The following FSTL5 variants were observed in gnomAD, a reference collection of about 807,000 sequenced individuals.
FSTL5 encodes the protein follistatin-related protein 5.
In FSTL5, 62 loss-of-function variants were observed where a neutral mutation model predicts 89.1. That is an observed-to-expected ratio of 0.70 (90% CI 0.57 to 0.86). The LOEUF is 0.86. Among genes scored for constraint, FSTL5 ranks in the 40% least tolerant of loss-of-function variants. FSTL5 has a pLI of 0.00. For missense variants in FSTL5, 1,057 were observed against 1,001.6 expected, an observed-to-expected ratio of 1.06 and a Z score of -0.75; for synonymous variants, 383 against 346.2, an observed-to-expected ratio of 1.11 and a Z score of -1.18.
At chr4:161,866,239 T>C (rs2126895408) in intron 4 of FSTL5, among the ~76,000 whole-genome samples, 1 of 152,290 alleles carries the variant, frequency 6.6e-6, no homozygotes, top group Middle Eastern at 3.4e-3. Context: ...ACCAGAAATA[T>C]TAATTTATTT....
In FSTL5 at chr4:161,405,454, T is replaced by C. The variant is rs76044661; in HGVS notation, c.1842-19005A>G. On this transcript the variant is annotated intron_variant, in intron 15 of 15. Coordinates refer to ENST00000306100, the MANE Select transcript of FSTL5 (RefSeq NM_020116.5). The stretch of plus-strand genomic sequence containing the variant: ...TTTACTGAAAGGTTTCAGTAGCAGA[T>C]ATGAGCAGGCAGAAGAAAGAATCAG... 3.5e-3 allele frequency among the ~76,000 whole-genome samples: 527 copies of C among 152,132 alleles called. 13 individuals are homozygous for C. In the East Asian group the frequency reaches 0.054, roughly 16 times the overall value.
chr4:161,720,348 T>G (rs934690183), intron 6 of FSTL5, among the ~76,000 whole-genome samples: 1 of 152,166 alleles, frequency 6.6e-6, no homozygotes, highest in Non-Finnish European at 1.5e-5. Flanking sequence ...TAGCATTATT[T>G]TTTTTAAAAG....
chr4:161,874,049 T>A (rs754946480), intron 4 of FSTL5, among the ~76,000 whole-genome samples: 1 of 152,106 alleles, frequency 6.6e-6, no homozygotes, highest in African/African-American at 2.4e-5. Flanking sequence ...TTCTCTGTAC[T>A]GTATGCTTTG....
chr4:162,038,020 C>A (rs569367874), intron 2 of FSTL5, among the ~76,000 whole-genome samples: 2 of 151,956 alleles, frequency 1.3e-5, no homozygotes, highest in East Asian at 3.9e-4. Context: ...TCACGAGTGA[C>A]CAGAAACTTT....
rs139274929 is a variant in FSTL5 at position 161,637,998 on chromosome 4, A to G, written c.894+18330T>C. On this transcript the variant is annotated intron_variant, in intron 7 of 15. Transcript: ENST00000306100. ...TAAAGTAGTTTTTTCCAATTCTGTG[A>G]AGAAAATCACTGGTAGCTTTATGGG... 7.7e-3 allele frequency among the ~76,000 whole-genome samples: 1,168 copies of G among 152,116 alleles called. 17 individuals carry two copies. Among genetic ancestry groups the G allele is most frequent in the African/African-American group, 0.027 (1,119 of 41,466 alleles).
At chr4:161,580,518 T>C (rs1009152170) in intron 8 of FSTL5, among the ~76,000 whole-genome samples, 4 of 151,892 alleles carry the variant, frequency 2.6e-5, no homozygotes, top group African/African-American at 7.3e-5. Flanking sequence ...CAATAAAAGT[T>C]CAAAGAAGAA....
intron 4 of FSTL5, among the ~76,000 whole-genome samples, chr4:161,841,742 TAGAA>T (rs1364891415): frequency 1.3e-5 from 2 of 152,232 alleles, no homozygotes; most frequent in East Asian, 3.9e-4. Flanking sequence ...ATTTTAGGAG[TAGAA>T]AGGTGGCCCA....
At chr4:161,919,226 C>A (rs1733923338) in intron 4 of FSTL5, among the ~76,000 whole-genome samples, 1 of 152,004 alleles carries the variant, frequency 6.6e-6, no homozygotes, top group South Asian at 2.1e-4. Context: ...TATCTGTTAT[C>A]CTTTTGGTAA....
At chr4:161,455,781 T>A (rs1053405715) in intron 14 of FSTL5, among the ~76,000 whole-genome samples, 2 of 152,182 alleles carry the variant, frequency 1.3e-5, no homozygotes, top group Non-Finnish European at 2.9e-5. Context: ...TTCAGATCTG[T>A]TTACACCCCT....
At chr4:161,466,088 T>C (rs377734685) in intron 13 of FSTL5, among the ~76,000 whole-genome samples, 1 of 152,200 alleles carries the variant, frequency 6.6e-6, no homozygotes, top group Non-Finnish European at 1.5e-5. Context: ...ATAAAATATA[T>C]AGTGAAATAA....
intron 6 of FSTL5, among the ~76,000 whole-genome samples, chr4:161,666,752 A>G (rs1736909591): frequency 6.6e-6 from 1 of 152,154 alleles, no homozygotes; most frequent in African/African-American, 2.4e-5. Flanking sequence ...GCCAGTAGAA[A>G]GAAAAGTTCT....
chr4:161,515,360 G>A (rs1730784639), intron 10 of FSTL5, among the ~76,000 whole-genome samples: 1 of 151,758 alleles, frequency 6.6e-6, no homozygotes, highest in African/African-American at 2.4e-5. Context: ...ACCACACCCA[G>A]CTATTTTTTG....
intron 10 of FSTL5, among the ~76,000 whole-genome samples, chr4:161,535,906 A>G (rs1731594186): frequency 6.6e-6 from 1 of 152,160 alleles, no homozygotes; most frequent in African/African-American, 2.4e-5. Context: ...CTACTCAGCC[A>G]TAAAGAAGAA....
intron 10 of FSTL5, among the ~76,000 whole-genome samples, chr4:161,532,559 A>G (rs774675904): frequency 1.3e-4 from 20 of 152,336 alleles, no homozygotes; most frequent in Non-Finnish European, 2.4e-4. Context: ...TGCAAATAAG[A>G]AAAGTATATT....
At chr4:161,426,085 T>TTGCTTAATATTA (rs1222978731) in intron 15 of FSTL5, among the ~76,000 whole-genome samples, 1 of 152,146 alleles carries the variant, frequency 6.6e-6, no homozygotes, top group Non-Finnish European at 1.5e-5. Context: ...TCCATACTAC[T>TTGCTTAATATTA]TGCTTAATAT....
intron 4 of FSTL5, among the ~76,000 whole-genome samples, chr4:161,912,066 C>G (rs556335709): frequency 6.6e-6 from 1 of 152,090 alleles, no homozygotes; most frequent in Non-Finnish European, 1.5e-5. Flanking sequence ...CAATTTTCAA[C>G]GGCATTTTCT....
chr4:161,997,484 T>A (rs1353761978), intron 3 of FSTL5, among the ~76,000 whole-genome samples: 1 of 152,224 alleles, frequency 6.6e-6, no homozygotes, highest in Non-Finnish European at 1.5e-5. Context: ...ACTCTATATA[T>A]GCACTTTACA....
intron 6 of FSTL5, among the ~76,000 whole-genome samples, chr4:161,688,434 C>T (rs1317587259): frequency 6.6e-6 from 1 of 152,126 alleles, no homozygotes; most frequent in Non-Finnish European, 1.5e-5. Context: ...GAAAACAAAA[C>T]TGCAGTTCTC....
chr4:161,784,286 G>T (rs935419594), intron 4 of FSTL5, among the ~76,000 whole-genome samples: 1 of 151,958 alleles, frequency 6.6e-6, no homozygotes, highest in African/African-American at 2.4e-5. Flanking sequence ...TTTGATTGTA[G>T]CAGCCTGTGC....
Sources: allele counts gnomAD v4.1 joint callset (sites outside exome capture counted in the v4.1 genomes callset), GRCh38; gene constraint gnomAD v4.1.1; transcripts MANE v1.5; gene names NCBI Gene and HGNC (gene_info 2026-07-23, HGNC 2026-07-21).